The following TAB2 variants were observed in gnomAD, a reference collection of about 807,000 sequenced individuals.
TAB2 encodes the protein TGF-beta-activated kinase 1 and MAP3K7-binding protein 2.
TAB2 carries 3 observed loss-of-function variants against 65.0 expected under a neutral mutation model. The ratio of observed to expected loss-of-function variants is 0.05; its 90% CI spans 0.02 to 0.12. TAB2 has a LOEUF of 0.12. Among genes scored for constraint, TAB2 ranks in the 10% least tolerant of loss-of-function variants. TAB2 has a pLI of 1.00. For synonymous variants in TAB2, 298 were observed against 285.1 expected, an observed-to-expected ratio of 1.05 and a Z score of -0.46; for missense variants, 623 against 840.3, an observed-to-expected ratio of 0.74 and a Z score of 3.20.
At chr6:149,295,225 T>G (rs1778853396) in intron 1 of TAB2, among the ~76,000 whole-genome samples, 1 of 152,248 alleles carries the variant, frequency 6.6e-6, no homozygotes, top group African/African-American at 2.4e-5. Flanking sequence ...GGCCTTTACT[T>G]GGCCCCATTA....
At chr6:149,359,619 A>G (rs1342688160) in intron 1 of TAB2, among the ~76,000 whole-genome samples, 1 of 152,214 alleles carries the variant, frequency 6.6e-6, no homozygotes, top group Non-Finnish European at 1.5e-5. Flanking sequence ...CTTTCCACAT[A>G]GTATTAAAAC....
chr6:149,360,555 C>T (rs1780810433), intron 1 of TAB2, among the ~76,000 whole-genome samples: 2 of 152,304 alleles, frequency 1.3e-5, no homozygotes, highest in South Asian at 2.1e-4. Context: ...CCACCAGGTC[C>T]CATCTCCAAC....
chr6:149,360,065 C>T (rs1158085971), intron 1 of TAB2, among the ~76,000 whole-genome samples: 1 of 152,042 alleles, frequency 6.6e-6, no homozygotes, highest in South Asian at 2.1e-4. Context: ...TTGTATACTC[C>T]GTTTCCTAAT....
chr6:149,339,161 C>T (rs1383301000), intron 1 of TAB2, among the ~76,000 whole-genome samples: 3 of 152,108 alleles, frequency 2.0e-5, no homozygotes, highest in African/African-American at 7.2e-5. Context: ...ATAAGGAGAT[C>T]AAGACCATCC....
intron 1 of TAB2, among the ~76,000 whole-genome samples, chr6:149,258,454 CTT>C (rs1381854452): frequency 2.8e-5 from 4 of 142,142 alleles, no homozygotes; most frequent in African/African-American, 1.0e-4. Flanking sequence ...CACACACACA[CTT>C]CTCACATAAA....
chr6:149,275,268 G>GAAA (rs1778444648), intron 1 of TAB2, among the ~76,000 whole-genome samples: 2 of 148,116 alleles, frequency 1.4e-5, no homozygotes, highest in Non-Finnish European at 3.0e-5. Flanking sequence ...AAGAAAGAAA[G>GAAA]AAAGAAAGAA....
intron 1 of TAB2, among the ~76,000 whole-genome samples, chr6:149,312,441 C>A (rs1779181333): frequency 6.6e-6 from 1 of 152,176 alleles, no homozygotes; most frequent in African/African-American, 2.4e-5. Flanking sequence ...CAGCTCACTG[C>A]AACCTCAGCC....
Position 149,378,128 on chromosome 6 carries a change from A to G in TAB2, c.213A>G (p.Leu71=), listed in dbSNP as rs1040592451. 1.2e-6 allele frequency: 2 copies of G among 1,614,096 alleles called. No individual in the cohort carries two copies. Among genetic ancestry groups the G allele is most frequent in the African/African-American group, 1.3e-5 (1 of 74,928 alleles). Residue 71 remains leucine (L), a synonymous_variant, in exon 3 of 7, where the codon CTA becomes CTG. Transcript: ENST00000637181. ...CAGATGATTCTGGAATTTCTGGTCT[A>G]CGCAATCACATGACTTCTCTCAACT... is the stretch of plus-strand genomic sequence containing the variant. The part of the protein sequence containing the change: ...NFSDDSGISG[L]RNHMTSLNLD...
intron 1 of TAB2, among the ~76,000 whole-genome samples, chr6:149,254,311 A>AC (rs1777959501): frequency 6.6e-6 from 1 of 152,146 alleles, no homozygotes; most frequent in Non-Finnish European, 1.5e-5. Flanking sequence ...GCTTGGTAGA[A>AC]CCATGTGAAG....
chr6:149,239,970 G>GA (rs1432329178), intron 1 of TAB2, among the ~76,000 whole-genome samples: 1 of 152,020 alleles, frequency 6.6e-6, no homozygotes, highest in South Asian at 2.1e-4. Context: ...ACTCCAAAAT[G>GA]AAAAAAGGGC....
intron 3 of TAB2, 30 bp from the exon 4 acceptor site, chr6:149,397,566 AGTGGGTGG>A: frequency 6.2e-7 from 1 of 1,612,150 alleles, no homozygotes; most frequent in Non-Finnish European, 8.5e-7. Context: ...AATTGATTAA[AGTGGGTGG>A]GTCCTCATGT....
intron 1 of TAB2, among the ~76,000 whole-genome samples, chr6:149,249,051 T>C (rs1048678714): frequency 4.6e-5 from 7 of 152,052 alleles, no homozygotes; most frequent in African/African-American, 1.7e-4. Flanking sequence ...TTTATTTTTC[T>C]CTTGGCTCAT....
At position 149,378,674 on chromosome 6, in the gene TAB2, T is replaced by G. The variant is rs769063306; in HGVS notation, c.759T>G (p.Pro253=). 1 of 1,613,820 alleles carries G rather than the reference T, an allele frequency of 6.2e-7. No homozygotes were observed. Among genetic ancestry groups the G allele is most frequent in the Admixed American group, 1.7e-5 (1 of 60,022 alleles). ...AGCAAGTTTATCAGCCTTCACAGCC[T>G]GGTCCCTGGACTACTTGTCCTGCAT... The part of the protein sequence containing the change: ...NPQQVYQPSQ[P]GPWTTCPASN... The change falls in exon 3 of 7, where the codon CCT becomes CCG. Residue 253 remains proline, a synonymous_variant. Transcript: ENST00000637181.
chr6:149,372,131 G>C (rs9322178), intron 2 of TAB2, among the ~76,000 whole-genome samples: 54,462 of 151,818 alleles, frequency 0.36, 10,108 homozygotes, highest in East Asian at 0.6. Flanking sequence ...TTGAAATACC[G>C]TAACTGGGAG....
At chr6:149,281,582 CT>C (rs1778576459) in intron 1 of TAB2, among the ~76,000 whole-genome samples, 1 of 77,406 alleles carries the variant, frequency 1.3e-5, no homozygotes, top group African/African-American at 6.6e-5. Context: ...AAAAAAAAAA[CT>C]TGATTAATTC....
chr6:149,352,891 C>T (rs905402967), intron 1 of TAB2, among the ~76,000 whole-genome samples: 5 of 152,156 alleles, frequency 3.3e-5, no homozygotes, highest in African/African-American at 1.2e-4. Flanking sequence ...ATTTAGGAAA[C>T]ACACCCTTTT....
At chr6:149,311,531 T>G (rs961272403) in intron 1 of TAB2, among the ~76,000 whole-genome samples, 1 of 152,220 alleles carries the variant, frequency 6.6e-6, no homozygotes, top group Non-Finnish European at 1.5e-5. Context: ...GGTCAGAAGA[T>G]CTATTCAAAG....
At chr6:149,358,287 G>T (rs1382754633) in intron 1 of TAB2, among the ~76,000 whole-genome samples, 3 of 151,990 alleles carry the variant, frequency 2.0e-5, no homozygotes, top group African/African-American at 7.3e-5. Context: ...ACCTTAATAC[G>T]CATAGCCTGA....
intron 1 of TAB2, among the ~76,000 whole-genome samples, chr6:149,329,063 G>T (rs1351980460): frequency 6.6e-6 from 1 of 152,110 alleles, no homozygotes; most frequent in African/African-American, 2.4e-5. Flanking sequence ...GGGTTAGCTG[G>T]AAGTGAGGTG....
Sources: allele counts gnomAD v4.1 joint callset (sites outside exome capture counted in the v4.1 genomes callset), GRCh38; gene constraint gnomAD v4.1.1; transcripts MANE v1.5; gene names NCBI Gene and HGNC (gene_info 2026-07-23, HGNC 2026-07-21).